The following PRKDC variants were observed in gnomAD, a reference collection of about 807,000 sequenced individuals.
The protein encoded by PRKDC is protein kinase, DNA-activated, catalytic subunit.
A neutral mutation model predicts 486.9 loss-of-function variants in PRKDC; 82 were observed. That is an observed-to-expected ratio of 0.17 (90% CI 0.14 to 0.20). PRKDC has a LOEUF of 0.20. Ranked by LOEUF, PRKDC falls within the 10% of genes least tolerant of loss-of-function variation. The pLI, the probability that PRKDC is intolerant of heterozygous loss-of-function variation, is 1.00. For synonymous variants in PRKDC, 1,895 were observed against 1,837.0 expected (o/e 1.03, Z -0.81); for missense variants, 4,504 against 5,038.2 (o/e 0.89, Z 3.21).
intron 49 of PRKDC, among the ~76,000 whole-genome samples, chr8:47,855,755 G>A (rs1348054219): frequency 6.6e-6 from 1 of 152,222 alleles, no homozygotes; most frequent in Non-Finnish European, 1.5e-5. Context: ...AGTGCTTTCT[G>A]ACTCAGCTCT....
At position 47,862,082 on chromosome 8, in the gene PRKDC, T is replaced by C. The variant is rs2088691016; in HGVS notation, c.5965A>G (p.Asn1989Asp). Residue 1989 changes from asparagine to aspartate, a missense_variant, in exon 44 of 86, where the codon AAT becomes GAT. Around this residue, in one of 6 missense-constraint regions of PRKDC, gnomAD observed 1,592 missense variants for 1,724.6 expected, o/e 0.92. Transcript: ENST00000314191. ...ENLIDLKRRYNFPVEVEVPME... is the reference protein window; with the variant it reads ...ENLIDLKRRYDFPVEVEVPME... Reference sequence around the variant, plus strand: ...CTCACCTCAACTTCTACAGGAAAATTATAGCGGCGCTTCAGGTCGATCAGA... The same window carrying C: ...CTCACCTCAACTTCTACAGGAAAATCATAGCGGCGCTTCAGGTCGATCAGA... 2 of 1,553,642 alleles carry C rather than the reference T, an allele frequency of 1.3e-6. No homozygotes were observed. Among genetic ancestry groups the C allele is most frequent in the African/African-American group, 2.7e-5 (2 of 73,334 alleles).
chr8:47,820,282 T>A (rs776566832), intron 66 of PRKDC, among the ~76,000 whole-genome samples: 13 of 151,988 alleles, frequency 8.6e-5, no homozygotes, highest in Non-Finnish European at 1.6e-4. Context: ...GGGCCTGTAA[T>A]CCCAGCTACC....
At chr8:47,888,385 T>A in intron 34 of PRKDC, 133 bp downstream of exon 34, 2 of 704,150 alleles carry the variant, frequency 2.8e-6, no homozygotes, top group Non-Finnish European at 4.2e-6. Context: ...TCTACATGTC[T>A]TGAGCAAGTA....
At chr8:47,950,278 A>G (rs1299540808) in intron 7 of PRKDC, among the ~76,000 whole-genome samples, 2 of 151,268 alleles carry the variant, frequency 1.3e-5, no homozygotes, top group African/African-American at 4.9e-5. Context: ...GTCTCAAAAA[A>G]AAAAAAAAAA....
rs761730655 is a variant in PRKDC, at chr8:47,889,196, T to A, written c.4098A>T (p.Thr1366=). ...WKLLKKDLCN[T]HLMRVLVQTL... Reference sequence around the variant, plus strand: ...TCTGCACCAGGACTCTCATCAGGTGTGTATTACACAAGTCCTTCTTCAGGA... The same window carrying A: ...TCTGCACCAGGACTCTCATCAGGTGAGTATTACACAAGTCCTTCTTCAGGA... Residue 1366 remains threonine, a synonymous_variant, in exon 33 of 86, where the codon ACA becomes ACT. Transcript: ENST00000314191. The A allele has an allele frequency of 1.9e-6, 3 of 1,610,940 alleles. No individual in the cohort carries two copies. The highest frequency in any genetic ancestry group is 2.5e-6 in the Non-Finnish European group (3 of 1,178,714).
rs896075818 is a variant in PRKDC, at chr8:47,896,422, T to C, written c.3598+739A>G. ...CAGCACTTTGGGAGGCCAAGGCGGG[T>C]GGATCACGAGGTCAGCAGATAGAGA... On this transcript the variant is annotated intron_variant, in intron 30 of 85. Transcript: ENST00000314191. Among the ~76,000 whole-genome samples, 5 of 151,580 alleles carry C rather than the reference T, an allele frequency of 3.3e-5. No individual in the cohort carries two copies. In the East Asian group the frequency reaches 5.9e-4, roughly 18 times the overall value.
At position 47,874,009 on chromosome 8, in the gene PRKDC, C is replaced by G. The variant is rs1294210023; in HGVS notation, c.5363+3715G>C. The stretch of plus-strand genomic sequence containing the variant: ...ATTTTTTTTTTTTTTTTTTTTGAGA[C>G]GGAGTCTCGCTCAGTCACCTGCCTC... On this transcript the variant is annotated intron_variant, in intron 40 of 85. Transcript: ENST00000314191. Among the ~76,000 whole-genome samples the G allele has an allele frequency of 2.2e-5, 3 of 134,118 alleles. No individual in the cohort carries two copies. The East Asian group carries it at 6.6e-4, about 29-fold the overall frequency. The allele number at this position is 134,118 out of a possible 152,430, so 88.0% of individuals were successfully genotyped here.
chr8:47,849,598 C>T, intron 52 of PRKDC, 95 bp from the exon 53 acceptor site: 1 of 1,373,050 alleles, frequency 7.3e-7, no homozygotes, highest in Middle Eastern at 2.4e-4. Context: ...GTGAGCCCAA[C>T]AAAGGTGCTC....
intron 30 of PRKDC, among the ~76,000 whole-genome samples, chr8:47,894,009 G>A (rs1250366048): frequency 1.3e-5 from 2 of 152,176 alleles, no homozygotes; most frequent in Admixed American, 1.3e-4. Flanking sequence ...AGCCGGGGGT[G>A]GTGGCTCAGG....
At chr8:47,926,966 C>A in intron 21 of PRKDC, 1 of 452,098 alleles carries the variant, frequency 2.2e-6, no homozygotes, top group East Asian at 3.9e-5. Context: ...TTTTATAAAT[C>A]TTAGTAAGCT....
At position 47,782,879 on chromosome 8, in the gene PRKDC, C is replaced by T; in HGVS notation, c.11176-281G>A. 4.0e-6 allele frequency: 2 copies of T among 495,866 alleles called. No homozygotes were observed. The highest frequency in any genetic ancestry group is 7.3e-6 in the Non-Finnish European group (2 of 273,794). 30.7% of individuals were successfully genotyped at this position (495,866 alleles called of 1,614,324 possible). On this transcript the variant is annotated intron_variant, in intron 78 of 85. Coordinates refer to ENST00000314191, the MANE Select transcript of PRKDC (RefSeq NM_006904.7). The surrounding 1 kb of genome is among the most constrained non-coding windows in gnomAD (Gnocchi z 4.9). ...CATGCAAACTTTCTACAGTAGTAAG[C>T]TAATGCTACACATATTTTATAGTGG... is the stretch of plus-strand genomic sequence containing the variant.
At position 47,778,646 on chromosome 8, in the gene PRKDC, C is replaced by T. The variant is rs369791512; in HGVS notation, c.11666G>A (p.Arg3889Lys). Reference sequence around the variant, plus strand: ...GAAAGCCTCAGGGCTTGTACTCATCCTCACGAAGGCCCGCCTACAAAAGAG... The same window carrying T: ...GAAAGCCTCAGGGCTTGTACTCATCTTCACGAAGGCCCGCCTACAAAAGAG... ...PADLLKRAFV[R>K]MSTSPEAFLA... Residue 3889 changes from arginine (R) to lysine (K), a missense_variant, in exon 83 of 86, where the codon AGG becomes AAG. By Grantham distance (26) the Arg-to-Lys change is conservative. Transcript: ENST00000314191. 8.1e-6 allele frequency: 13 copies of T among 1,613,284 alleles called. No individual in the cohort carries two copies. Among genetic ancestry groups the T allele is most frequent in the Non-Finnish European group, 1.0e-5 (12 of 1,179,626 alleles).
chr8:47,893,962 A>T (rs929639501), intron 30 of PRKDC, among the ~76,000 whole-genome samples: 1 of 152,208 alleles, frequency 6.6e-6, no homozygotes, highest in Non-Finnish European at 1.5e-5. Context: ...GAAGAATTCA[A>T]AACATGTATC....
At chr8:47,818,062 A>G (rs1371624321) in intron 67 of PRKDC, among the ~76,000 whole-genome samples, 1 of 152,258 alleles carries the variant, frequency 6.6e-6, no homozygotes, top group Admixed American at 6.5e-5. Context: ...CAAAGGTCTC[A>G]GCAAAGAGAT....
At chr8:47,887,745 A>G in intron 34 of PRKDC, 40 bp from the exon 35 acceptor site, 1 of 1,543,798 alleles carries the variant, frequency 6.5e-7, no homozygotes, top group Non-Finnish European at 8.7e-7. Flanking sequence ...GCAAAAAGAT[A>G]TTTCTTAGAA....
In PRKDC at chr8:47,834,293, ACTC is replaced by A; in HGVS notation, c.8052_8054del (p.Arg2684del). ...TCAAGGGTGCTCTCTGTAACCTTTCACTCCTCTTGTGGGCAAACAGCAAGGAGT... is the reference window on the plus strand; with the variant it reads ...TCAAGGGTGCTCTCTGTAACCTTTCACTCTTGTGGGCAAACAGCAAGGAGT... On this transcript the variant is annotated inframe_deletion, in exon 59 of 86. Transcript: ENST00000314191. 6.2e-7 allele frequency: 1 copy of A among 1,613,528 alleles called. No homozygotes were observed. The highest frequency in any genetic ancestry group is 8.5e-7 in the Non-Finnish European group (1 of 1,179,804).
chr8:47,889,884 G>GA (rs2089421522), intron 32 of PRKDC, among the ~76,000 whole-genome samples: 1 of 152,008 alleles, frequency 6.6e-6, no homozygotes. Flanking sequence ...GTTCCCATCA[G>GA]AAAAAATGTT....
At chr8:47,854,044 G>T in intron 51 of PRKDC, 39 bp downstream of exon 51, 2 of 1,608,646 alleles carry the variant, frequency 1.2e-6, no homozygotes, top group East Asian at 2.2e-5. Context: ...ATCCAGTTTG[G>T]GTAGACGTGA....
At chr8:47,844,022 C>T (rs1385962586) in intron 54 of PRKDC, among the ~76,000 whole-genome samples, 2 of 152,222 alleles carry the variant, frequency 1.3e-5, no homozygotes, top group Non-Finnish European at 1.5e-5. Flanking sequence ...AACACGACAA[C>T]AGGATCAAAA....
Sources: allele counts gnomAD v4.1 joint callset (sites outside exome capture counted in the v4.1 genomes callset), GRCh38; gene constraint gnomAD v4.1.1; regional missense constraint gnomAD v4.1.1; non-coding constraint Gnocchi (gnomAD v3.1); transcripts MANE v1.5; gene names NCBI Gene and HGNC (gene_info 2026-07-23, HGNC 2026-07-21).